Variants in CDH12 observed in about 807,000 individuals in gnomAD.
CDH12 encodes cadherin 12, also known as cadherin-12.
In CDH12, 41 loss-of-function variants were observed where a neutral mutation model predicts 74.1. That is an observed-to-expected ratio of 0.55 (90% CI 0.43 to 0.72). The LOEUF is 0.72. CDH12 is among the 30% of genes least tolerant of loss of function. CDH12 has a pLI of 0.00. For synonymous variants in CDH12, 399 were observed against 355.0 expected, an observed-to-expected ratio of 1.12 and a Z score of -1.39; for missense variants, 945 against 977.2, an observed-to-expected ratio of 0.97 and a Z score of 0.44.
At chr5:21,968,302 C>T (rs1266881835) in intron 6 of CDH12, among the ~76,000 whole-genome samples, 1 of 152,122 alleles carries the variant, frequency 6.6e-6, no homozygotes, top group Non-Finnish European at 1.5e-5. Context: ...TTGCAATAAC[C>T]CTCTCATAAA....
intron 3 of CDH12, among the ~76,000 whole-genome samples, chr5:22,320,049 C>T (rs1018713872): frequency 4.6e-5 from 7 of 152,260 alleles, no homozygotes; most frequent in Admixed American, 4.6e-4. Flanking sequence ...ACTAATGAAA[C>T]TCTTCCAGAA....
chr5:22,375,380 G>A (rs930100078), intron 3 of CDH12, among the ~76,000 whole-genome samples: 1 of 152,026 alleles, frequency 6.6e-6, no homozygotes, highest in Non-Finnish European at 1.5e-5. Flanking sequence ...CAAGACATCA[G>A]TCTAGATAAA....
At chr5:22,266,361 C>T (rs1038733944) in intron 3 of CDH12, among the ~76,000 whole-genome samples, 3 of 152,086 alleles carry the variant, frequency 2.0e-5, no homozygotes, top group Non-Finnish European at 4.4e-5. Context: ...GTGTGAGCCA[C>T]CATGCCTGGC....
At chr5:21,777,379 C>A (rs1401419769) in intron 11 of CDH12, among the ~76,000 whole-genome samples, 3 of 151,754 alleles carry the variant, frequency 2.0e-5, no homozygotes, top group Admixed American at 6.6e-5. Context: ...ATATGTAAGC[C>A]CTCTAATAAG....
At chr5:22,844,243 A>G (rs542678315) in intron 1 of CDH12, among the ~76,000 whole-genome samples, 14 of 152,190 alleles carry the variant, frequency 9.2e-5, no homozygotes, top group African/African-American at 3.1e-4. Context: ...AAGGTTTCCT[A>G]TAATAACTTG....
In CDH12 at chr5:22,399,375, A is replaced by C. The variant is rs1392217702; in HGVS notation, c.-333+5882T>G. On this transcript the variant is annotated intron_variant, in intron 3 of 14. Coordinates refer to ENST00000382254, the MANE Select transcript of CDH12 (RefSeq NM_004061.5). ...TTTTTTTGAGAATTGTATTGAAAAA[A>C]TAAAAACAACAAAAACGTAATCAAA... Among the ~76,000 whole-genome samples the C allele has an allele frequency of 2.0e-5, 3 of 152,146 alleles. No homozygotes were observed. In the East Asian group the frequency reaches 5.8e-4, roughly 29 times the overall value.
At chr5:22,211,357 GTTTA>G (rs1195136466) in intron 4 of CDH12, among the ~76,000 whole-genome samples, 5 of 152,042 alleles carry the variant, frequency 3.3e-5, no homozygotes, top group Admixed American at 1.3e-4. Context: ...TTTAAATAAT[GTTTA>G]TTTCATTATT....
At chr5:22,339,830 GA>G (rs1458887381) in intron 3 of CDH12, among the ~76,000 whole-genome samples, 1 of 152,114 alleles carries the variant, frequency 6.6e-6, no homozygotes. Flanking sequence ...TTAAAATAAA[GA>G]GCAGAAAAGT....
intron 4 of CDH12, among the ~76,000 whole-genome samples, chr5:22,154,546 T>C (rs1471242746): frequency 2.7e-5 from 4 of 147,746 alleles, no homozygotes; most frequent in Non-Finnish European, 4.5e-5. Context: ...TATATGTATA[T>C]GTGTACACAT....
At chr5:22,778,614 G>A (rs573485611) in intron 1 of CDH12, among the ~76,000 whole-genome samples, 15 of 152,128 alleles carry the variant, frequency 9.9e-5, no homozygotes, top group Admixed American at 2.0e-4. Flanking sequence ...CTAAGTGACA[G>A]TATTTGTCAA....
chr5:22,160,344 A>G (rs1406569617), intron 4 of CDH12, among the ~76,000 whole-genome samples: 1 of 152,190 alleles, frequency 6.6e-6, no homozygotes, highest in Non-Finnish European at 1.5e-5. Flanking sequence ...TCATGGCTGG[A>G]TATTTTCAGA....
chr5:22,346,385 C>T (rs1368556609), intron 3 of CDH12, among the ~76,000 whole-genome samples: 1 of 151,960 alleles, frequency 6.6e-6, no homozygotes, highest in Non-Finnish European at 1.5e-5. Flanking sequence ...TATTTTATCC[C>T]CAGATTACTA....
rs1218818761 is a variant in CDH12 at position 21,982,998 on chromosome 5, T to C, written c.232-7613A>G. Among the ~76,000 whole-genome samples, 7 of 152,226 alleles carry C rather than the reference T, an allele frequency of 4.6e-5. No homozygotes were observed. In the South Asian group the frequency reaches 6.2e-4, roughly 14 times the overall value. On this transcript the variant is annotated intron_variant, in intron 5 of 14. Coordinates refer to ENST00000382254, the MANE Select transcript of CDH12 (RefSeq NM_004061.5). ...ACTACATGCCTCTCTTTGGGAGGCTTCTTTCTTGCTAATCCAAACAAGAAC... is the reference window on the plus strand; with the variant it reads ...ACTACATGCCTCTCTTTGGGAGGCTCCTTTCTTGCTAATCCAAACAAGAAC...
chr5:22,830,372 A>G (rs1736543844), intron 1 of CDH12, among the ~76,000 whole-genome samples: 1 of 152,154 alleles, frequency 6.6e-6, no homozygotes, highest in African/African-American at 2.4e-5. Flanking sequence ...TATGCCAATA[A>G]TAATTTCATT....
chr5:21,964,126 C>A (rs1213054021), intron 6 of CDH12, among the ~76,000 whole-genome samples: 1 of 151,884 alleles, frequency 6.6e-6, no homozygotes. Flanking sequence ...AAATGCCCTT[C>A]TTAGGTGACT....
At chr5:22,673,392 G>T (rs1741005478) in intron 1 of CDH12, among the ~76,000 whole-genome samples, 1 of 152,028 alleles carries the variant, frequency 6.6e-6, no homozygotes, top group Non-Finnish European at 1.5e-5. Flanking sequence ...AAAAGATTGT[G>T]GTCTTAAATA....
At chr5:22,764,496 C>T (rs942467498) in intron 1 of CDH12, among the ~76,000 whole-genome samples, 2 of 151,834 alleles carry the variant, frequency 1.3e-5, no homozygotes, top group African/African-American at 4.8e-5. Context: ...ACCATAGAAT[C>T]ATAAATATGC....
intron 2 of CDH12, among the ~76,000 whole-genome samples, chr5:22,470,165 G>A (rs2126603755): frequency 6.6e-6 from 1 of 152,144 alleles, no homozygotes; most frequent in East Asian, 1.9e-4. Context: ...CCCTGACATG[G>A]TATGGCATAG....
intron 1 of CDH12, among the ~76,000 whole-genome samples, chr5:22,757,152 T>A (rs1305353345): frequency 1.3e-5 from 2 of 152,152 alleles, no homozygotes; most frequent in African/African-American, 2.4e-5. Flanking sequence ...ATATTCTCCA[T>A]GTAACTTTTC....
Sources: allele counts gnomAD v4.1 joint callset (sites outside exome capture counted in the v4.1 genomes callset), GRCh38; gene constraint gnomAD v4.1.1; transcripts MANE v1.5; gene names NCBI Gene and HGNC (gene_info 2026-07-23, HGNC 2026-07-21).